NAV2: variants seen among roughly 807,000 people sequenced by gnomAD.
NAV2 encodes the protein neuron navigator 2.
Under a neutral mutation model 223.2 loss-of-function variants are expected in NAV2, and 54 were observed. The ratio of observed to expected loss-of-function variants is 0.24; its 90% CI spans 0.19 to 0.30. The LOEUF is 0.30. NAV2 is among the 10% of genes least tolerant of loss of function. NAV2 has a pLI of 1.00. For missense variants in NAV2, 2,806 were observed against 3,147.5 expected (o/e 0.89, Z 2.60); for synonymous variants, 1,279 against 1,239.3 (o/e 1.03, Z -0.67).
chr11:19,521,054 G>A (rs542719798), intron 1 of NAV2, among the ~76,000 whole-genome samples: 1 of 152,270 alleles, frequency 6.6e-6, no homozygotes, highest in East Asian at 1.9e-4. Flanking sequence ...GACCCTGCAA[G>A]CCTGCATTTG....
chr11:19,933,538 A>C lies in NAV2; in HGVS notation c.1294A>C (p.Thr432Pro), dbSNP rs2045579862. ...SRDTSCERLE[T>P]LPSFEESEEL... ...GGACACAAGCTGTGAGCGGCTGGAG[A>C]CTCTGCCCAGCTTCGAAGAGAGCGA... is the stretch of plus-strand genomic sequence containing the variant. Residue 432 changes from threonine to proline, a missense_variant, in exon 7 of 38, where the codon ACT becomes CCT. Physicochemically the swap from Thr to Pro is conservative, Grantham distance 38 (BLOSUM62 -1). Coordinates refer to ENST00000349880, the MANE Select transcript of NAV2 (RefSeq NM_145117.5). This position sits in a 1 kb window ranked among gnomAD's most constrained non-coding sequence, Gnocchi z 4.3. 1 of 1,609,562 alleles carries C rather than the reference A, an allele frequency of 6.2e-7. No homozygotes were observed. Among genetic ancestry groups the C allele is most frequent in the Admixed American group, 1.7e-5 (1 of 59,434 alleles).
chr11:19,740,153 C>T (rs1163099905), intron 1 of NAV2, among the ~76,000 whole-genome samples: 1 of 152,104 alleles, frequency 6.6e-6, no homozygotes. Context: ...GTAAAACATA[C>T]AAGGAACAGA....
rs747775388 is a variant in NAV2 at position 20,118,244 on chromosome 11, G to T, written c.7276G>T (p.Glu2426Ter). 5 of 1,613,922 alleles carry T rather than the reference G, an allele frequency of 3.1e-6. No individual in the cohort carries two copies. In the South Asian group the frequency reaches 5.5e-5, roughly 18 times the overall value. ...CGATGACATCTTGGACTCCTCTTTG[G>T]AGTCCACTCTGTGACAGGGGCCCGG... is the stretch of plus-strand genomic sequence containing the variant. ...HHDDILDSSL[E>*]STL The change falls in exon 38 of 38, where the codon GAG becomes TAG. Residue 2426 changes from glutamate (E) to a stop codon, truncating the protein, a stop_gained. Transcript: ENST00000349880. LOFTEE classifies it high-confidence loss of function.
At chr11:19,698,135 G>C (rs1180788375) in intron 1 of NAV2, among the ~76,000 whole-genome samples, 1 of 152,062 alleles carries the variant, frequency 6.6e-6, no homozygotes, top group African/African-American at 2.4e-5. Flanking sequence ...GAGAGAACGG[G>C]GTGTAATCGT....
In NAV2 at chr11:19,949,656, G is replaced by A. The variant is rs148064931; in HGVS notation, c.2645+576G>A. On this transcript the variant is annotated intron_variant, in intron 10 of 37. Coordinates refer to ENST00000349880, the MANE Select transcript of NAV2 (RefSeq NM_145117.5). ...GTGTGTGTCCTGCCTCCTGCCCTAC[G>A]CATCTCCACCACTCTGTGGCAGGCT... Among the ~76,000 whole-genome samples, 392 of 152,232 alleles carry A rather than the reference G, an allele frequency of 2.6e-3. 1 individual carries two copies. Among genetic ancestry groups the A allele is most frequent in the African/African-American group, 9.0e-3 (376 of 41,550 alleles).
chr11:20,024,702 T>G (rs1043259981), intron 11 of NAV2, among the ~76,000 whole-genome samples: 2 of 152,236 alleles, frequency 1.3e-5, no homozygotes, highest in African/African-American at 4.8e-5. Flanking sequence ...AGCCTGTTTT[T>G]GGGAGATAGC....
At chr11:19,723,559 G>A (rs1243114771) in intron 1 of NAV2, among the ~76,000 whole-genome samples, 1 of 152,194 alleles carries the variant, frequency 6.6e-6, no homozygotes, top group East Asian at 1.9e-4. Context: ...TGCTTCCCTG[G>A]TCTCGGCCCT....
chr11:19,875,986 G>A (rs888068576), intron 4 of NAV2, among the ~76,000 whole-genome samples: 2 of 152,126 alleles, frequency 1.3e-5, no homozygotes, highest in African/African-American at 2.4e-5. Context: ...GTACAGAGTC[G>A]GGAAGTATCC....
chr11:19,515,090 A>G (rs2043403981), intron 1 of NAV2, among the ~76,000 whole-genome samples: 1 of 152,234 alleles, frequency 6.6e-6, no homozygotes, highest in African/African-American at 2.4e-5. Flanking sequence ...TGGGCAAATT[A>G]TATAACTTGT....
intron 1 of NAV2, among the ~76,000 whole-genome samples, chr11:19,670,312 G>A (rs566577385): frequency 1.6e-4 from 24 of 149,954 alleles, no homozygotes; most frequent in African/African-American, 5.1e-4. Flanking sequence ...TGATCTCCCC[G>A]GGCCATCACA....
chr11:19,912,066 C>A lies in NAV2; in HGVS notation c.931+19472C>A, dbSNP rs1392790084. Among the ~76,000 whole-genome samples, 7 of 152,296 alleles carry A rather than the reference C, an allele frequency of 4.6e-5. No individual in the cohort carries two copies. In the East Asian group the frequency reaches 1.4e-3, roughly 29 times the overall value. ...TCATTGAATTTCTACTAGGTTACAT[C>A]CTGACTTAATCTTTTGGTGCTTACA... On this transcript the variant is annotated intron_variant, in intron 6 of 37. Coordinates refer to ENST00000349880, the MANE Select transcript of NAV2 (RefSeq NM_145117.5).
chr11:19,477,394 G>A (rs1290289218), intron 1 of NAV2, among the ~76,000 whole-genome samples: 2 of 152,324 alleles, frequency 1.3e-5, no homozygotes, highest in East Asian at 3.9e-4. Context: ...CAGTTTATCA[G>A]CAAGGATTTA....
chr11:20,112,937 C>T (rs575066467), intron 36 of NAV2, among the ~76,000 whole-genome samples: 2 of 152,274 alleles, frequency 1.3e-5, no homozygotes, highest in Admixed American at 1.3e-4. Flanking sequence ...GCAGGATTCG[C>T]GGGAGGGCAG....
intron 1 of NAV2, among the ~76,000 whole-genome samples, chr11:19,590,188 C>T (rs1440190674): frequency 2.6e-5 from 4 of 152,160 alleles, no homozygotes; most frequent in Non-Finnish European, 4.4e-5. Flanking sequence ...TGAGGTAATG[C>T]ATGTAAAGCA....
At chr11:19,351,144 G>A in intron 1 of NAV2, 1 of 1,020,940 alleles carries the variant, frequency 9.8e-7, no homozygotes, top group South Asian at 1.4e-5. Flanking sequence ...CCGGAAGGAG[G>A]TAGCATGGTG....
chr11:19,495,160 GT>G (rs1446891688), intron 1 of NAV2, among the ~76,000 whole-genome samples: 13 of 152,248 alleles, frequency 8.5e-5, no homozygotes, highest in Admixed American at 8.5e-4. Context: ...AGCTCAGCCT[GT>G]GACAGCTGAG....
intron 15 of NAV2, among the ~76,000 whole-genome samples, chr11:20,049,552 G>A (rs76412064): frequency 0.015 from 2,337 of 151,880 alleles, 25 homozygotes; most frequent in Middle Eastern, 0.038. Context: ...GCAGGTGACT[G>A]GGTGCAGACA....
At chr11:19,751,882 T>C (rs77920065) in intron 1 of NAV2, among the ~76,000 whole-genome samples, 1 of 152,282 alleles carries the variant, frequency 6.6e-6, no homozygotes, top group African/African-American at 2.4e-5. Flanking sequence ...ATGCCACCTT[T>C]CTTAGACTTG....
chr11:19,455,182 C>T (rs534011530), intron 1 of NAV2, among the ~76,000 whole-genome samples: 6 of 152,154 alleles, frequency 3.9e-5, no homozygotes, highest in Admixed American at 3.9e-4. Context: ...ACTGCCATAG[C>T]GAGATTAGAT....
Sources: allele counts gnomAD v4.1 joint callset (sites outside exome capture counted in the v4.1 genomes callset), GRCh38; gene constraint gnomAD v4.1.1; non-coding constraint Gnocchi (gnomAD v3.1); transcripts MANE v1.5; gene names NCBI Gene and HGNC (gene_info 2026-07-23, HGNC 2026-07-21).